Variants in CFAP36 observed in about 807,000 individuals in gnomAD.
CFAP36 encodes cilia and flagella associated protein 36.
A neutral mutation model predicts 50.5 loss-of-function variants in CFAP36; 37 were observed. That is an observed-to-expected ratio of 0.73 (90% confidence interval 0.56 to 0.96). The LOEUF is 0.96. Among genes scored for constraint, CFAP36 ranks in the 50% least tolerant of loss-of-function variants. CFAP36 has a pLI of 0.00. For synonymous variants in CFAP36, 138 were observed against 128.2 expected, an observed-to-expected ratio of 1.08 and a Z score of -0.52; for missense variants, 407 against 396.2, an observed-to-expected ratio of 1.03 and a Z score of -0.23.
chr2:55,538,825 G>T lies in CFAP36; in HGVS notation c.640+1240G>T. On this transcript the variant is annotated intron_variant, in intron 7 of 9. Transcript: ENST00000349456. ...CCGAACTCTTCAATGGTGAAATTAT[G>T]ACTTACCTTGGTCTTCTGACACTAA... is the stretch of plus-strand genomic sequence containing the variant. The T allele has an allele frequency of 2.0e-6, 3 of 1,538,100 alleles. No individual in the cohort carries two copies. In the South Asian group the frequency reaches 3.7e-5, roughly 19 times the overall value.
chr2:55,538,279 C>T (rs1684544669), intron 7 of CFAP36, among the ~76,000 whole-genome samples: 2 of 143,246 alleles, frequency 1.4e-5, no homozygotes, highest in South Asian at 2.2e-4. Context: ...TATTATAATC[C>T]TTGTTTTTCT....
chr2:55,521,335 C>G (rs1321837870), intron 1 of CFAP36, among the ~76,000 whole-genome samples: 1 of 150,518 alleles, frequency 6.6e-6, no homozygotes, highest in Admixed American at 6.7e-5. Flanking sequence ...TTTTATTTAA[C>G]TTCATTATTT....
At chr2:55,521,545 A>G (rs1209066819) in intron 1 of CFAP36, among the ~76,000 whole-genome samples, 6 of 151,746 alleles carry the variant, frequency 4.0e-5, no homozygotes, top group Non-Finnish European at 2.9e-5. Context: ...TATTCATTTT[A>G]AATATTTTCT....
intron 3 of CFAP36, among the ~76,000 whole-genome samples, 184 bp from the exon 4 acceptor site, chr2:55,528,694 C>G (rs1044932779): frequency 1.3e-5 from 2 of 152,160 alleles, no homozygotes; most frequent in Non-Finnish European, 2.9e-5. Context: ...CCGTGCCCGG[C>G]TGAGAACCCT....
intron 4 of CFAP36, among the ~76,000 whole-genome samples, chr2:55,532,872 A>G (rs1574619781): frequency 6.6e-6 from 1 of 152,370 alleles, no homozygotes; most frequent in East Asian, 1.9e-4. Context: ...TTACCAGTCC[A>G]CCTGCTTCGC....
At chr2:55,530,308 G>T (rs1574617643) in intron 4 of CFAP36, among the ~76,000 whole-genome samples, 4 of 152,188 alleles carry the variant, frequency 2.6e-5, no homozygotes, top group Admixed American at 2.6e-4. Context: ...CAGCCATGTG[G>T]AAATGTAAGT....
rs560814667 is a variant in CFAP36 at position 55,519,750 on chromosome 2, G to A, written c.-52G>A. The A allele has an allele frequency of 1.3e-6, 2 of 1,588,950 alleles. No homozygotes were observed. The highest frequency in any genetic ancestry group is 8.6e-7 in the Non-Finnish European group (1 of 1,157,876). ...CTCCTTGTGGCCCAAAGGCCTAACC[G>A]GGGTCCGGCGGTCTGGCCTAGGGAT... On this transcript the variant is annotated 5_prime_UTR_variant, in exon 1 of 10. Transcript: ENST00000349456.
chr2:55,534,404 A>G (rs747627876), intron 5 of CFAP36, among the ~76,000 whole-genome samples: 5 of 152,164 alleles, frequency 3.3e-5, no homozygotes, highest in Admixed American at 1.3e-4. Context: ...AGTAACCTTC[A>G]AGGGAGGGAT....
At chr2:55,538,845 C>A in intron 7 of CFAP36, 3 of 1,530,000 alleles carry the variant, frequency 2.0e-6, no homozygotes, top group South Asian at 2.5e-5. Flanking sequence ...GGTCTTCTGA[C>A]ACTAAATATA....
In CFAP36 at chr2:55,522,082, A is replaced by C; in HGVS notation, c.116-20A>C. The C allele has an allele frequency of 7.8e-7, 1 of 1,276,238 alleles. No homozygotes were observed. Among genetic ancestry groups the C allele is most frequent in the Non-Finnish European group, 1.1e-6 (1 of 895,342 alleles). The allele number at this position is 1,276,238 out of a possible 1,614,324, so 79.1% of individuals were successfully genotyped here. Reference sequence around the variant, plus strand: ...AATGATTTGGTTTTTACACTATGTAATATTTTCTTTTAAATTTAGTTTTTG... The same window carrying C: ...AATGATTTGGTTTTTACACTATGTACTATTTTCTTTTAAATTTAGTTTTTG... On this transcript the variant is annotated intron_variant, in intron 1 of 9. Transcript: ENST00000349456.
chr2:55,543,447 A>G (rs1160773755), intron 7 of CFAP36, among the ~76,000 whole-genome samples: 1 of 152,210 alleles, frequency 6.6e-6, no homozygotes, highest in East Asian at 1.9e-4. Context: ...ACATAATTAT[A>G]AACAAAAATT....
In CFAP36 at chr2:55,528,919, C is replaced by A; in HGVS notation, c.324C>A (p.Ile108=). Residue 108 remains isoleucine (I), a synonymous_variant, in exon 4 of 10, where the codon ATC becomes ATA. Coordinates refer to ENST00000349456, the MANE Select transcript of CFAP36 (RefSeq NM_080667.7). ...TGTTGGCAGCAGAAGATTTTACTAT[C>A]TTTAAAGCAATGATGGTCCAGAAAA... ...QPVLAAEDFT[I]FKAMMVQKNI... 1 of 1,611,294 alleles carries A rather than the reference C, an allele frequency of 6.2e-7. No individual in the cohort carries two copies. The highest frequency in any genetic ancestry group is 8.5e-7 in the Non-Finnish European group (1 of 1,178,738).
At position 55,522,177 on chromosome 2, in the gene CFAP36, T is replaced by C; in HGVS notation, c.180+11T>C. ...GAATACAAAGAACTAGTGAGTATTT[T>C]TTTTCACTGATTTTTAAAAGTAATT... On this transcript the variant is annotated intron_variant, in intron 2 of 9. Coordinates refer to ENST00000349456, the MANE Select transcript of CFAP36 (RefSeq NM_080667.7). 1 of 1,429,680 alleles carries C rather than the reference T, an allele frequency of 7.0e-7. No homozygotes were observed. Among genetic ancestry groups the C allele is most frequent in the Non-Finnish European group, 9.6e-7 (1 of 1,039,812 alleles). 88.6% of individuals were successfully genotyped at this position (1,429,680 alleles called of 1,614,324 possible).
chr2:55,544,392 A>G (rs760431071), intron 9 of CFAP36, 23 bp downstream of exon 9: 1 of 1,579,064 alleles, frequency 6.3e-7, no homozygotes, highest in South Asian at 1.2e-5. Flanking sequence ...TTAATATGTC[A>G]AGATTTACAA....
intron 7 of CFAP36, among the ~76,000 whole-genome samples, chr2:55,542,359 G>C (rs1432348269): frequency 6.6e-6 from 1 of 152,186 alleles, no homozygotes; most frequent in East Asian, 1.9e-4. Flanking sequence ...ATATTTCAGA[G>C]AATCACTTCG....
At chr2:55,530,246 T>C (rs149201462) in intron 4 of CFAP36, among the ~76,000 whole-genome samples, 8 of 152,222 alleles carry the variant, frequency 5.3e-5, no homozygotes, top group African/African-American at 1.9e-4. Context: ...CTGTCATCCA[T>C]GTAAGACGTG....
intron 6 of CFAP36, chr2:55,535,975 ACT>A: frequency 1.0e-6 from 1 of 952,910 alleles, no homozygotes; most frequent in Non-Finnish European, 1.4e-6. Flanking sequence ...TATATACTTA[ACT>A]GTATATAGTA....
intron 5 of CFAP36, 69 bp downstream of exon 5, chr2:55,534,029 G>A (rs1273789439): frequency 9.0e-6 from 8 of 885,028 alleles, no homozygotes; most frequent in African/African-American, 1.7e-5. Context: ...TATGCTTTTT[G>A]CCCAACAAAT....
At chr2:55,526,637 C>A (rs534427217) in intron 3 of CFAP36, among the ~76,000 whole-genome samples, 1 of 152,236 alleles carries the variant, frequency 6.6e-6, no homozygotes, top group African/African-American at 2.4e-5. Context: ...GAGAGGGGGT[C>A]ATGCTGTGTT....
Sources: gnomAD v4.1 joint callset for allele counts (sites outside exome capture counted in the v4.1 genomes callset) on GRCh38, gnomAD v4.1.1 for gene constraint, MANE v1.5 for transcripts, NCBI Gene and HGNC (gene_info 2026-07-23, HGNC 2026-07-21) for gene names.